The following NCOA6 variants were observed in gnomAD, a reference collection of about 807,000 sequenced individuals.
The protein encoded by NCOA6 is nuclear receptor coactivator 6.
In NCOA6, 49 loss-of-function variants were observed where a neutral mutation model predicts 171.4. The observed-to-expected ratio is 0.29, with a 90% confidence interval of 0.23 to 0.36. The LOEUF (loss-of-function observed/expected upper bound fraction) is 0.36, where lower values mean the gene tolerates loss of function less well. NCOA6 is among the 10% of genes least tolerant of loss of function. The pLI is 1.00. For missense variants in NCOA6, 2,248 were observed against 2,554.5 expected (o/e 0.88, Z 2.59); for synonymous variants, 910 against 927.5 (o/e 0.98, Z 0.34).
At chr20:34,811,201 G>GTGTATATATA (rs1555858015) in intron 1 of NCOA6, among the ~76,000 whole-genome samples, 3 of 53,798 alleles carry the variant, frequency 5.6e-5, no homozygotes, top group Non-Finnish European at 7.3e-5. Context: ...ACAACAACGT[G>GTGTATATATA]TATATATATA....
chr20:34,730,506 T>C (rs1990484319), intron 13 of NCOA6, among the ~76,000 whole-genome samples: 1 of 152,208 alleles, frequency 6.6e-6, no homozygotes, highest in South Asian at 2.1e-4. Context: ...AAATGTATTT[T>C]TGGTCTGATT....
intron 8 of NCOA6, among the ~76,000 whole-genome samples, chr20:34,751,285 G>A (rs2076472015): frequency 6.8e-6 from 1 of 146,782 alleles, no homozygotes; most frequent in Non-Finnish European, 1.5e-5. Flanking sequence ...CAGGAGAATG[G>A]CGTGAACCCG....
rs938149557 is a variant in NCOA6 at position 34,814,016 on chromosome 20, G to GT, written c.-164+11455dup. Reference sequence around the variant, plus strand: ...GAAGAAAAAAGATTTATAAAAAGATGTAACAGCGCTACAATTTAGAATTGT... The same window carrying GT: ...GAAGAAAAAAGATTTATAAAAAGATGTTAACAGCGCTACAATTTAGAATTGT... On this transcript the variant is annotated intron_variant, in intron 1 of 14. Transcript: ENST00000359003. Among the ~76,000 whole-genome samples the GT allele has an allele frequency of 9.9e-5, 15 of 152,138 alleles. 1 individual carries two copies. Among genetic ancestry groups the GT allele is most frequent in the Admixed American group, 9.8e-4 (15 of 15,278 alleles).
Position 34,741,981 on chromosome 20 carries a change from A to G in NCOA6, c.4275T>C (p.Ser1425=), listed in dbSNP as rs1009386816. The change falls in exon 11 of 15, where the codon AGT becomes AGC. Residue 1425 remains serine (S), a synonymous_variant. Coordinates refer to ENST00000359003, the MANE Select transcript of NCOA6 (RefSeq NM_014071.5). ...NKESLNVPQD[S]DCQNSQSRKE... The stretch of plus-strand genomic sequence containing the variant: ...TCCTACTCTGGGAATTCTGGCAATC[A>G]CTGTCCTGAGGCACATTCAAGCTCT... The G allele has an allele frequency of 6.2e-7, 1 of 1,614,176 alleles. No individual in the cohort carries two copies. Among genetic ancestry groups the G allele is most frequent in the Non-Finnish European group, 8.5e-7 (1 of 1,180,032 alleles).
chr20:34,781,265 G>C (rs1010411713), intron 3 of NCOA6, among the ~76,000 whole-genome samples: 4 of 152,216 alleles, frequency 2.6e-5, no homozygotes, highest in African/African-American at 9.6e-5. Context: ...AAGCTAATTA[G>C]CTCTTGATCA....
At chr20:34,779,795 T>C (rs1326541190) in intron 3 of NCOA6, among the ~76,000 whole-genome samples, 5 of 152,032 alleles carry the variant, frequency 3.3e-5, no homozygotes, top group Admixed American at 3.3e-4. Context: ...GTACATTGAA[T>C]GTTAACTTTT....
intron 2 of NCOA6, among the ~76,000 whole-genome samples, chr20:34,790,244 T>C (rs1555848687): frequency 1.3e-5 from 2 of 152,136 alleles, no homozygotes; most frequent in Non-Finnish European, 2.9e-5. Flanking sequence ...AATGAAGTGC[T>C]GATACATGCT....
intron 1 of NCOA6, among the ~76,000 whole-genome samples, 194 bp from the exon 2 acceptor site, chr20:34,792,757 A>G (rs1366678456): frequency 6.6e-6 from 1 of 150,958 alleles, no homozygotes; most frequent in Non-Finnish European, 1.5e-5. Context: ...CATTAAGTCT[A>G]CAAAGATTAT....
chr20:34,732,864 T>C (rs1355840985), intron 12 of NCOA6: 2 of 293,960 alleles, frequency 6.8e-6, no homozygotes, highest in African/African-American at 4.4e-5. Flanking sequence ...TCCTTGTTCA[T>C]ATTTCATCCA....
intron 5 of NCOA6, among the ~76,000 whole-genome samples, chr20:34,767,132 T>C (rs1228572173): frequency 1.3e-5 from 2 of 152,168 alleles, no homozygotes; most frequent in Non-Finnish European, 2.9e-5. Context: ...CCTTCAAGCA[T>C]GAGCTCAAAA....
At chr20:34,736,794 T>C in intron 11 of NCOA6, 36 bp from the exon 12 acceptor site, 1 of 1,557,356 alleles carries the variant, frequency 6.4e-7, no homozygotes. Context: ...GACCTTTTAC[T>C]TTCTTTTCTA....
chr20:34,787,800 G>C (rs186671062), intron 2 of NCOA6, among the ~76,000 whole-genome samples: 9 of 152,232 alleles, frequency 5.9e-5, no homozygotes, highest in Admixed American at 5.2e-4. Flanking sequence ...TGCAGAGCAG[G>C]ACTACCCCAT....
rs578240455 is a variant in NCOA6 at position 34,718,065 on chromosome 20, G to C, written c.6149-2700C>G. 2.0e-5 allele frequency among the ~76,000 whole-genome samples: 3 copies of C among 152,262 alleles called. No homozygotes were observed. The South Asian group carries it at 6.2e-4, about 32-fold the overall frequency. On this transcript the variant is annotated intron_variant, in intron 14 of 14. Coordinates refer to ENST00000359003, the MANE Select transcript of NCOA6 (RefSeq NM_014071.5). ...GTTGCCTCTGAGCGTGAATCAATGA[G>C]TGGGGTCAGGAATAAACAAATGACT...
At chr20:34,760,336 TTCTCTGTCA>T (rs1399194753) in intron 5 of NCOA6, among the ~76,000 whole-genome samples, 2 of 152,202 alleles carry the variant, frequency 1.3e-5, no homozygotes, top group East Asian at 3.8e-4. Context: ...GGCTACAGAA[TTCTCTGTCA>T]TGGAGCATCT....
chr20:34,764,188 T>G (rs1230025055), intron 5 of NCOA6, among the ~76,000 whole-genome samples: 1 of 151,634 alleles, frequency 6.6e-6, no homozygotes, highest in Non-Finnish European at 1.5e-5. Flanking sequence ...CCCAGGTTCA[T>G]GCCATTCTCC....
chr20:34,737,677 CCA>C (rs1242815795), intron 11 of NCOA6, among the ~76,000 whole-genome samples: 1 of 152,144 alleles, frequency 6.6e-6, no homozygotes, highest in Non-Finnish European at 1.5e-5. Context: ...CATGGATATG[CCA>C]CAGTCACATC....
At chr20:34,794,039 C>T (rs1014336223) in intron 1 of NCOA6, among the ~76,000 whole-genome samples, 1 of 152,162 alleles carries the variant, frequency 6.6e-6, no homozygotes, top group African/African-American at 2.4e-5. Flanking sequence ...TTACTGTTCC[C>T]AGCAAGGTTA....
chr20:34,732,289 A>G (rs1392892818), intron 13 of NCOA6, among the ~76,000 whole-genome samples: 1 of 152,190 alleles, frequency 6.6e-6, no homozygotes, highest in Non-Finnish European at 1.5e-5. Flanking sequence ...AACATTTACT[A>G]TTTCCTCATT....
intron 13 of NCOA6, among the ~76,000 whole-genome samples, chr20:34,732,043 A>G (rs923645667): frequency 6.6e-6 from 1 of 152,212 alleles, no homozygotes; most frequent in Non-Finnish European, 1.5e-5. Flanking sequence ...TGACTTTTGG[A>G]AAATGGTAAT....
Sources: allele counts gnomAD v4.1 joint callset (sites outside exome capture counted in the v4.1 genomes callset), GRCh38; gene constraint gnomAD v4.1.1; transcripts MANE v1.5; gene names NCBI Gene and HGNC (gene_info 2026-07-23, HGNC 2026-07-21).